HYCC2: variants seen among roughly 807,000 people sequenced by gnomAD.
HYCC2 encodes the protein hyccin 2.
At chr2:201,061,618 A>C in the HYCC2 span, among the ~76,000 whole-genome samples, 3 of 150,456 alleles carry the variant, frequency 2.0e-5, no homozygotes, top group Admixed American at 6.6e-5. Context: ...GAAGTCTTTC[A>C]TACTTATAGT....
chr2:201,070,385 G>T, the HYCC2 span, among the ~76,000 whole-genome samples: 1 of 152,150 alleles, frequency 6.6e-6, no homozygotes, highest in Admixed American at 6.5e-5. Context: ...GGGCACGGTG[G>T]CTCACGCCTG....
chr2:201,061,627 G>GT, the HYCC2 span, among the ~76,000 whole-genome samples: 2,204 of 139,730 alleles, frequency 0.016, 42 homozygotes, highest in African/African-American at 0.045. Context: ...CATACTTATA[G>GT]TTTTTTTTTT....
At chr2:201,011,320 G>T in the HYCC2 span, 10 of 866,460 alleles carry the variant, frequency 1.2e-5, no homozygotes, top group Non-Finnish European at 1.8e-5. Flanking sequence ...ATTTATCTCT[G>T]ATAAGAAACT....
the HYCC2 span, among the ~76,000 whole-genome samples, chr2:201,051,661 G>A: frequency 1.3e-4 from 20 of 152,090 alleles, no homozygotes; most frequent in Admixed American, 3.3e-4. Context: ...AAACATTTTC[G>A]AGAGAAAATA....
chr2:201,012,347 G>A, the HYCC2 span, among the ~76,000 whole-genome samples: 1,057 of 152,262 alleles, frequency 6.9e-3, 8 homozygotes, highest in African/African-American at 0.024. Context: ...TGTAGTCCCA[G>A]CTACTCAGGA....
At chr2:201,065,041 T>C in the HYCC2 span, among the ~76,000 whole-genome samples, 1 of 152,228 alleles carries the variant, frequency 6.6e-6, no homozygotes, top group Admixed American at 6.5e-5. Context: ...TTTTATCACA[T>C]AGGTAGACTC....
At chr2:201,025,677 G>C in the HYCC2 span, among the ~76,000 whole-genome samples, 1 of 152,136 alleles carries the variant, frequency 6.6e-6, no homozygotes, top group East Asian at 1.9e-4. Context: ...GAAAGTTACA[G>C]AATCTAAACG....
chr2:201,070,661 A>G, the HYCC2 span, among the ~76,000 whole-genome samples: 1 of 152,120 alleles, frequency 6.6e-6, no homozygotes, highest in Non-Finnish European at 1.5e-5. Flanking sequence ...TCAAAAAAAA[A>G]AAAAGTTTAT....
chr2:201,000,162 C>T, the HYCC2 span, among the ~76,000 whole-genome samples: 1 of 151,304 alleles, frequency 6.6e-6, no homozygotes, highest in Non-Finnish European at 1.5e-5. Context: ...TGCTTGAGCT[C>T]ACGCATTCAA....
the HYCC2 span, chr2:201,008,905 A>G: frequency 2.1e-6 from 2 of 958,570 alleles, no homozygotes; most frequent in South Asian, 2.7e-5. Context: ...TCTGTCATTC[A>G]TTCATTCATA....
At chr2:201,035,056 T>C in the HYCC2 span, among the ~76,000 whole-genome samples, 1 of 152,328 alleles carries the variant, frequency 6.6e-6, no homozygotes, top group Non-Finnish European at 1.5e-5. Context: ...ATTTCAACTT[T>C]GGTGAATCTG....
the HYCC2 span, among the ~76,000 whole-genome samples, chr2:200,982,568 G>A: frequency 1.7e-4 from 26 of 152,166 alleles, no homozygotes; most frequent in African/African-American, 5.8e-4. Context: ...AAATATCAGA[G>A]AGCAGTGGTA....
At chr2:201,069,511 GAC>G in the HYCC2 span, among the ~76,000 whole-genome samples, 51 of 149,932 alleles carry the variant, frequency 3.4e-4, no homozygotes, top group Non-Finnish European at 6.4e-4. Context: ...AGTTCTCTAA[GAC>G]AGCTCTAGTA....
At chr2:201,030,668 T>C in the HYCC2 span, among the ~76,000 whole-genome samples, 20 of 151,174 alleles carry the variant, frequency 1.3e-4, no homozygotes, top group Middle Eastern at 3.4e-3. Flanking sequence ...AACCTCCGCC[T>C]CCTGGGTTCA....
the HYCC2 span, chr2:201,011,318 C>G: frequency 1.7e-5 from 14 of 845,636 alleles, no homozygotes; most frequent in Middle Eastern, 3.3e-4. Context: ...ATATTTATCT[C>G]TGATAAGAAA....
At chr2:201,033,149 ATGTGTGTGTATGTGTGTG>A in the HYCC2 span, among the ~76,000 whole-genome samples, 2 of 114,758 alleles carry the variant, frequency 1.7e-5, no homozygotes, top group Non-Finnish European at 3.6e-5. Context: ...AGCTATTTGT[ATGTGTGTGTATGTGTGTG>A]TGTGTGTGTG....
At chr2:200,989,214 A>T in the HYCC2 span, among the ~76,000 whole-genome samples, 1 of 152,238 alleles carries the variant, frequency 6.6e-6, no homozygotes, top group Admixed American at 6.5e-5. Context: ...CACTGACAAT[A>T]AAAGAATACT....
At chr2:200,992,410 A>G in the HYCC2 span, 3 of 1,267,716 alleles carry the variant, frequency 2.4e-6, no homozygotes, top group South Asian at 1.2e-5. Context: ...GCAAATATCT[A>G]ATCTTCAGCA....
chr2:200,987,439 T>G, the HYCC2 span: 1 of 1,289,690 alleles, frequency 7.8e-7, no homozygotes, highest in Admixed American at 2.3e-5. Flanking sequence ...CACCTCCCCC[T>G]CTTGCACACG....
Sources: gnomAD v4.1 joint callset for allele counts (sites outside exome capture counted in the v4.1 genomes callset) on GRCh38, gnomAD v4.1.1 for gene constraint, MANE v1.5 for transcripts, NCBI Gene and HGNC (gene_info 2026-07-23, HGNC 2026-07-21) for gene names.